NUS1: variants seen among roughly 807,000 people sequenced by gnomAD.
NUS1 encodes the protein dehydrodolichyl diphosphate synthase complex subunit NUS1.
For missense variants in NUS1, 292 were observed against 382.9 expected, an observed-to-expected ratio of 0.76 and a Z score of 1.98; for synonymous variants, 135 against 155.2, an observed-to-expected ratio of 0.87 and a Z score of 0.97.
intron 3 of NUS1, among the ~76,000 whole-genome samples, chr6:117,702,871 C>A (rs1773431110): frequency 6.6e-6 from 1 of 152,130 alleles, no homozygotes; most frequent in Non-Finnish European, 1.5e-5. Flanking sequence ...ACTATTGGAA[C>A]CTTAGTCTCT....
At chr6:117,697,275 A>G (rs1397680240) in intron 3 of NUS1, among the ~76,000 whole-genome samples, 1 of 152,120 alleles carries the variant, frequency 6.6e-6, no homozygotes, top group Non-Finnish European at 1.5e-5. Context: ...CAAAACAACC[A>G]GAAAACAAAT....
intron 3 of NUS1, among the ~76,000 whole-genome samples, chr6:117,703,164 A>G (rs986689091): frequency 6.6e-6 from 1 of 152,198 alleles, no homozygotes; most frequent in African/African-American, 2.4e-5. Context: ...GAAGGAGAAT[A>G]GATATTTTAA....
intron 1 of NUS1, among the ~76,000 whole-genome samples, chr6:117,692,110 C>G (rs1773231390): frequency 6.6e-6 from 1 of 151,888 alleles, no homozygotes. Flanking sequence ...CTTTGCTGGA[C>G]AAGAAAGTTG....
chr6:117,694,255 C>T, intron 3 of NUS1, 75 bp downstream of exon 3: 1 of 805,132 alleles, frequency 1.2e-6, no homozygotes, highest in Non-Finnish European at 1.8e-6. Context: ...CACGAGGATA[C>T]AGTATGAAAG....
intron 3 of NUS1, among the ~76,000 whole-genome samples, chr6:117,695,217 A>G (rs1037436750): frequency 6.6e-6 from 1 of 151,338 alleles, no homozygotes; most frequent in Non-Finnish European, 1.5e-5. Context: ...AAAAAAAAAA[A>G]AAAAGAAAAA....
At chr6:117,677,023 A>G (rs887968836) in intron 1 of NUS1, among the ~76,000 whole-genome samples, 2 of 152,234 alleles carry the variant, frequency 1.3e-5, no homozygotes, top group East Asian at 1.9e-4. Flanking sequence ...CTTCATCATC[A>G]GTGCCCAACA....
intron 1 of NUS1, among the ~76,000 whole-genome samples, chr6:117,676,476 G>A (rs144950361): frequency 0.012 from 1,902 of 152,292 alleles, 38 homozygotes; most frequent in African/African-American, 0.044. Context: ...TACTAGGGAG[G>A]CTGAGGCAGG....
At chr6:117,676,385 CCTGA>C (rs1192225367) in intron 1 of NUS1, among the ~76,000 whole-genome samples, 2 of 152,142 alleles carry the variant, frequency 1.3e-5, no homozygotes, top group South Asian at 2.1e-4. Flanking sequence ...TCGAGACCAG[CCTGA>C]CTAACATGGA....
chr6:117,694,426 T>G (rs1027335247), intron 3 of NUS1, among the ~76,000 whole-genome samples: 1 of 152,086 alleles, frequency 6.6e-6, no homozygotes, highest in Non-Finnish European at 1.5e-5. Context: ...AGATGACCTT[T>G]GAGGATCTTT....
rs1469693125 is a variant in NUS1 at position 117,707,376 on chromosome 6, T to G, written c.*361T>G. 3.0e-5 allele frequency: 7 copies of G among 232,200 alleles called. No individual in the cohort carries two copies. Among genetic ancestry groups the G allele is most frequent in the Non-Finnish European group, 6.0e-5 (7 of 117,300 alleles). The allele number at this position is 232,200 out of a possible 1,614,324, so 14.4% of individuals were successfully genotyped here. On this transcript the variant is annotated 3_prime_UTR_variant, in exon 5 of 5. Coordinates refer to ENST00000368494, the MANE Select transcript of NUS1 (RefSeq NM_138459.5). The stretch of plus-strand genomic sequence containing the variant: ...TTTTGTGGGGAGAAGAGGGCCTGAT[T>G]AGAACTGTTCTGGTTGTGTTTGGCG...
rs148787799 is a variant in NUS1 at position 117,676,288 on chromosome 6, A to AG, written c.415+203_415+204insG. ...TCAGTAGCTTTTTAACATTTTAAAA[A>AG]TATCCCTTGGCCGGGCGCGGTGGCT... is the stretch of plus-strand genomic sequence containing the variant. On this transcript the variant is annotated intron_variant, in intron 1 of 4. Coordinates refer to ENST00000368494, the MANE Select transcript of NUS1 (RefSeq NM_138459.5). Among the ~76,000 whole-genome samples the AG allele has an allele frequency of 8.0e-3, 1,215 of 152,352 alleles. 47 individuals are homozygous for AG. In the East Asian group the frequency reaches 0.12, roughly 16 times the overall value.
chr6:117,707,239 G>A lies in NUS1; in HGVS notation c.*224G>A. 2.2e-6 allele frequency: 1 copy of A among 447,420 alleles called. No individual in the cohort carries two copies. Among genetic ancestry groups the A allele is most frequent in the Non-Finnish European group, 4.2e-6 (1 of 240,658 alleles). The allele number at this position is 447,420 out of a possible 1,614,324, so 27.7% of individuals were successfully genotyped here. On this transcript the variant is annotated 3_prime_UTR_variant, in exon 5 of 5. Coordinates refer to ENST00000368494, the MANE Select transcript of NUS1 (RefSeq NM_138459.5). ...TATGTATGGAAATAAACTTATAAAT[G>A]GGGACGTATTGGAGAAGGAAATACA... is the stretch of plus-strand genomic sequence containing the variant.
intron 2 of NUS1, 23 bp downstream of exon 2, chr6:117,693,190 A>G (rs199610408): frequency 4.4e-4 from 699 of 1,600,376 alleles, no homozygotes; most frequent in Non-Finnish European, 5.6e-4. Flanking sequence ...GTATAATTGA[A>G]CATGTAACAT....
At chr6:117,678,242 G>GT in intron 1 of NUS1, among the ~76,000 whole-genome samples, 1 of 152,058 alleles carries the variant, frequency 6.6e-6, no homozygotes, top group Non-Finnish European at 1.5e-5. Context: ...TGTAAAATCA[G>GT]TTTTTTTGTT....
chr6:117,698,769 C>T (rs981000730), intron 3 of NUS1, among the ~76,000 whole-genome samples: 2 of 152,026 alleles, frequency 1.3e-5, no homozygotes, highest in African/African-American at 2.4e-5. Context: ...AAGAAATCCT[C>T]CACAAAATAA....
Position 117,709,239 on chromosome 6 carries a change from T to C in NUS1, c.*2224T>C, listed in dbSNP as rs1176344925. On this transcript the variant is annotated 3_prime_UTR_variant, in exon 5 of 5. Transcript: ENST00000368494. Reference sequence around the variant, plus strand: ...CCTTTGCACTCCCAAGAAGAACTGGTAATTTTAAACAAAAGTATGTGTCTT... The same window carrying C: ...CCTTTGCACTCCCAAGAAGAACTGGCAATTTTAAACAAAAGTATGTGTCTT... The C allele has an allele frequency of 6.6e-6, 1 of 151,886 alleles. No individual in the cohort carries two copies. The highest frequency in any genetic ancestry group is 6.6e-5 in the Admixed American group (1 of 15,200). 9.4% of individuals were successfully genotyped at this position (151,886 alleles called of 1,614,324 possible).
chr6:117,690,979 C>A (rs1358179565), intron 1 of NUS1, among the ~76,000 whole-genome samples: 544 of 72,944 alleles, frequency 7.5e-3, no homozygotes, highest in African/African-American at 0.016. Flanking sequence ...GAGTCTGTCT[C>A]AAAAAAAAAA....
chr6:117,677,617 C>T (rs1773003027), intron 1 of NUS1, among the ~76,000 whole-genome samples: 1 of 152,232 alleles, frequency 6.6e-6, no homozygotes, highest in Non-Finnish European at 1.5e-5. Flanking sequence ...ATAGGCCAGA[C>T]AGTAACGCTT....
rs777492853 is a variant in NUS1, at chr6:117,693,108, G to A, written c.482G>A (p.Gly161Asp). 3 of 1,611,600 alleles carry A rather than the reference G, an allele frequency of 1.9e-6. No homozygotes were observed. Among genetic ancestry groups the A allele is most frequent in the Middle Eastern group, 1.6e-4 (1 of 6,074 alleles). Residue 161 changes from glycine (G) to aspartate (D), a missense_variant, in exon 2 of 5, where the codon GGC becomes GAC. Gly to Asp is a moderately conservative substitution (Grantham distance 94). Transcript: ENST00000368494. ...EILKQQQELL[G>D]LDCSKYSPEF... is the part of the protein sequence containing the mutation. ...TTAAAACAACAGCAAGAACTTCTGG[G>A]CCTAGATTGTTCAAAATACTCACCA...
Sources: allele counts gnomAD v4.1 joint callset (sites outside exome capture counted in the v4.1 genomes callset), GRCh38; gene constraint gnomAD v4.1.1; transcripts MANE v1.5; gene names NCBI Gene and HGNC (gene_info 2026-07-23, HGNC 2026-07-21).